The following CSMD1 variants were observed in gnomAD, a reference collection of about 807,000 sequenced individuals.
CSMD1 encodes CUB and sushi domain-containing protein 1.
CSMD1 carries 213 observed loss-of-function variants against 417.5 expected under a neutral mutation model. That is an observed-to-expected ratio of 0.51 (90% confidence interval 0.46 to 0.57). The LOEUF (loss-of-function observed/expected upper bound fraction) is 0.57, where lower values mean the gene tolerates loss of function less well. Ranked by LOEUF, CSMD1 falls within the 20% of genes least tolerant of loss-of-function variation. The probability of loss-of-function intolerance (pLI) is 0.00; values close to 1 mark genes in which losing one functional copy is unlikely to be tolerated. For missense variants in CSMD1, 6,923 were observed against 4,529.7 expected, an observed-to-expected ratio of 1.53 and a Z score of -15.17; for synonymous variants, 2,862 against 1,736.8, an observed-to-expected ratio of 1.65 and a Z score of -16.11.
At chr8:4,330,634 A>G (rs1200734998) in intron 3 of CSMD1, among the ~76,000 whole-genome samples, 5 of 151,778 alleles carry the variant, frequency 3.3e-5, no homozygotes, top group Admixed American at 2.6e-4. Context: ...ATCTAATCAT[A>G]TTTTATTTGT....
intron 5 of CSMD1, among the ~76,000 whole-genome samples, chr8:3,876,644 C>G (rs1405744803): frequency 1.3e-5 from 2 of 152,180 alleles, no homozygotes; most frequent in African/African-American, 4.8e-5. Context: ...GAGTCTTGCT[C>G]TGTTGCCTGG....
intron 3 of CSMD1, among the ~76,000 whole-genome samples, chr8:4,180,465 ATGC>A: frequency 6.6e-6 from 1 of 150,758 alleles, no homozygotes. Context: ...ATTAGGAGAT[ATGC>A]CTAATGCTAA....
intron 12 of CSMD1, among the ~76,000 whole-genome samples, chr8:3,460,984 G>T (rs1391192748): frequency 6.6e-6 from 1 of 152,160 alleles, no homozygotes; most frequent in African/African-American, 2.4e-5. Flanking sequence ...TTGTTCTTTA[G>T]CATATTAAAT....
chr8:4,656,359 A>C (rs1804230752), intron 1 of CSMD1, among the ~76,000 whole-genome samples: 1 of 152,086 alleles, frequency 6.6e-6, no homozygotes, highest in Non-Finnish European at 1.5e-5. Flanking sequence ...ATGGTTGTGC[A>C]AAGTTGCCAT....
chr8:3,891,231 T>A (rs1806949036), intron 5 of CSMD1, among the ~76,000 whole-genome samples: 2 of 152,062 alleles, frequency 1.3e-5, no homozygotes, highest in South Asian at 2.1e-4. Flanking sequence ...TTTTTCTTTG[T>A]AAAGATGGGT....
intron 12 of CSMD1, among the ~76,000 whole-genome samples, chr8:3,416,630 C>T (rs532461715): frequency 6.6e-6 from 1 of 152,200 alleles, no homozygotes; most frequent in African/African-American, 2.4e-5. Flanking sequence ...TACATGGAAA[C>T]ACGTCCAGGG....
intron 5 of CSMD1, among the ~76,000 whole-genome samples, chr8:3,949,627 G>T (rs1039712017): frequency 6.6e-6 from 1 of 152,056 alleles, no homozygotes; most frequent in Non-Finnish European, 1.5e-5. Flanking sequence ...TTTGGGAGAT[G>T]ATTTTAGGTA....
At chr8:4,294,251 A>G (rs1460403128) in intron 3 of CSMD1, among the ~76,000 whole-genome samples, 1 of 152,192 alleles carries the variant, frequency 6.6e-6, no homozygotes, top group Non-Finnish European at 1.5e-5. Context: ...TAGCATATAG[A>G]TCGTGTGACA....
chr8:4,974,018 A>G (rs1001939773), intron 1 of CSMD1, among the ~76,000 whole-genome samples: 1 of 152,006 alleles, frequency 6.6e-6, no homozygotes, highest in Non-Finnish European at 1.5e-5. Flanking sequence ...TCTGGAAATT[A>G]TTTTATTTAC....
At chr8:4,960,381 TGA>T (rs1318750091) in intron 1 of CSMD1, among the ~76,000 whole-genome samples, 1 of 152,198 alleles carries the variant, frequency 6.6e-6, no homozygotes, top group African/African-American at 2.4e-5. Context: ...GATGTAAATT[TGA>T]GAGAGCTGGC....
chr8:4,769,016 G>T (rs556995078), intron 1 of CSMD1, among the ~76,000 whole-genome samples: 1 of 152,142 alleles, frequency 6.6e-6, no homozygotes, highest in Admixed American at 6.6e-5. Context: ...ATACCTGACT[G>T]TAAGGTACTA....
intron 4 of CSMD1, among the ~76,000 whole-genome samples, chr8:4,025,754 G>C (rs966535542): frequency 6.6e-6 from 1 of 152,140 alleles, no homozygotes; most frequent in African/African-American, 2.4e-5. Context: ...ATGTCAATGT[G>C]ATGTTTGTTC....
intron 5 of CSMD1, among the ~76,000 whole-genome samples, chr8:3,841,632 C>T (rs1656179444): frequency 6.6e-6 from 1 of 151,908 alleles, no homozygotes; most frequent in Non-Finnish European, 1.5e-5. Flanking sequence ...TTTTTCAGGT[C>T]ACACATTTTT....
At chr8:4,124,271 C>A (rs1414504718) in intron 3 of CSMD1, among the ~76,000 whole-genome samples, 1 of 152,030 alleles carries the variant, frequency 6.6e-6, no homozygotes, top group East Asian at 1.9e-4. Context: ...CACTGACTGG[C>A]AAATTAATAA....
Position 4,764,872 on chromosome 8 carries a change from C to CAAAAAAAAA in CSMD1, c.86-127323_86-127315dup, listed in dbSNP as rs1194894751. Among the ~76,000 whole-genome samples the CAAAAAAAAA allele has an allele frequency of 8.5e-4, 43 of 50,884 alleles. 1 individual carries two copies. Among genetic ancestry groups the CAAAAAAAAA allele is most frequent in the Admixed American group, 1.3e-3 (5 of 3,814 alleles). 33.4% of individuals were successfully genotyped at this position (50,884 alleles called of 152,430 possible). On this transcript the variant is annotated intron_variant, in intron 1 of 69. Coordinates refer to ENST00000635120, the MANE Select transcript of CSMD1 (RefSeq NM_033225.6). ...TGGGCGACAGAGCGAGACTCCATCT[C>CAAAAAAAAA]AAAAAAAAAAAAAAAAAAAAAACAA...
chr8:3,341,807 C>A (rs1382439712), intron 23 of CSMD1, among the ~76,000 whole-genome samples: 2 of 152,146 alleles, frequency 1.3e-5, no homozygotes, highest in Non-Finnish European at 2.9e-5. Flanking sequence ...AACAGTTTTT[C>A]TTCTCAAGTA....
At chr8:3,662,909 G>A (rs1212358415) in intron 7 of CSMD1, among the ~76,000 whole-genome samples, 1 of 152,144 alleles carries the variant, frequency 6.6e-6, no homozygotes, top group Non-Finnish European at 1.5e-5. Flanking sequence ...AAACCTAGAT[G>A]ATGGGTTGAT....
chr8:4,787,006 G>A (rs1344283686), intron 1 of CSMD1, among the ~76,000 whole-genome samples: 1 of 152,212 alleles, frequency 6.6e-6, no homozygotes, highest in Non-Finnish European at 1.5e-5. Flanking sequence ...CCCCGTGTGT[G>A]TGGCAATGTG....
At chr8:3,986,760 T>TTTC (rs1491401082) in intron 5 of CSMD1, among the ~76,000 whole-genome samples, 1 of 83,998 alleles carries the variant, frequency 1.2e-5, no homozygotes, top group Non-Finnish European at 2.5e-5. Flanking sequence ...GTTTAAGTGA[T>TTTC]TTTTCTTTTT....
Sources: gnomAD v4.1 joint callset for allele counts (sites outside exome capture counted in the v4.1 genomes callset) on GRCh38, gnomAD v4.1.1 for gene constraint, MANE v1.5 for transcripts, NCBI Gene and HGNC (gene_info 2026-07-23, HGNC 2026-07-21) for gene names.